The following BICRAL variants were observed in gnomAD, a reference collection of about 807,000 sequenced individuals.
BICRAL encodes the protein BICRA like chromatin remodeling complex associated protein.
BICRAL carries 8 observed loss-of-function variants against 91.8 expected under a neutral mutation model. That is an observed-to-expected ratio of 0.09 (90% CI 0.05 to 0.16). The LOEUF (loss-of-function observed/expected upper bound fraction) is 0.16. Ranked by LOEUF, BICRAL falls within the 10% of genes least tolerant of loss-of-function variation. BICRAL has a pLI of 1.00. For synonymous variants in BICRAL, 445 were observed against 491.1 expected, an observed-to-expected ratio of 0.91 and a Z score of 1.24; for missense variants, 1,038 against 1,310.9, an observed-to-expected ratio of 0.79 and a Z score of 3.21.
intron 2 of BICRAL, among the ~76,000 whole-genome samples, chr6:42,810,834 G>T (rs1457749204): frequency 2.0e-5 from 3 of 152,158 alleles, no homozygotes; most frequent in Admixed American, 2.0e-4. Flanking sequence ...TTAGAGACAG[G>T]AATTAAAGAA....
intron 6 of BICRAL, among the ~76,000 whole-genome samples, chr6:42,845,486 A>G (rs2113997744): frequency 1.3e-5 from 2 of 151,504 alleles, no homozygotes; most frequent in Admixed American, 6.6e-5. Context: ...TCCCCGTAAC[A>G]TGTTTGGGAG....
chr6:42,758,337 G>A (rs563669172), intron 1 of BICRAL, among the ~76,000 whole-genome samples: 1 of 152,286 alleles, frequency 6.6e-6, no homozygotes, highest in South Asian at 2.1e-4. Context: ...AGACTCCTTA[G>A]TGTGAATGCT....
chr6:42,780,246 G>A (rs543921607), upstream of BICRAL, among the ~76,000 whole-genome samples: 3 of 152,084 alleles, frequency 2.0e-5, no homozygotes, highest in Non-Finnish European at 2.9e-5. Context: ...ATTGTATGCC[G>A]GCCCCAACAG....
At chr6:42,825,540 G>A (rs1379463928) in intron 5 of BICRAL, among the ~76,000 whole-genome samples, 3 of 151,570 alleles carry the variant, frequency 2.0e-5, no homozygotes, top group African/African-American at 4.9e-5. Flanking sequence ...ACTTCAGCCC[G>A]GGCGACAGAG....
rs1386162455 is a variant in BICRAL, at chr6:42,829,863, C to T, written c.1530C>T (p.His510=). 14 of 1,614,096 alleles carry T rather than the reference C, an allele frequency of 8.7e-6. No homozygotes were observed. In the Admixed American group the frequency reaches 2.3e-4, roughly 27 times the overall value. The change falls in exon 6 of 13, where the codon CAC becomes CAT. Residue 510 remains histidine, a synonymous_variant. Transcript: ENST00000314073. ...PLQQASPTVL[H]LSPGQSSVSQ... Reference sequence around the variant, plus strand: ...AGCAGGCATCCCCAACTGTATTACACCTGTCACCTGGGCAGAGCAGCGTTT... The same window carrying T: ...AGCAGGCATCCCCAACTGTATTACATCTGTCACCTGGGCAGAGCAGCGTTT...
At chr6:42,861,982 G>T (rs1338840830) in intron 11 of BICRAL, among the ~76,000 whole-genome samples, 1 of 152,084 alleles carries the variant, frequency 6.6e-6, no homozygotes, top group African/African-American at 2.4e-5. Flanking sequence ...CTGGGCGACA[G>T]AGCGAGACTC....
chr6:42,828,483 AT>A lies in BICRAL; in HGVS notation c.160-3del, dbSNP rs1467924356. 1 of 1,598,940 alleles carries A rather than the reference AT, an allele frequency of 6.3e-7. No homozygotes were observed. The highest frequency in any genetic ancestry group is 8.5e-7 in the Non-Finnish European group (1 of 1,173,542). On this transcript the variant is annotated splice_polypyrimidine_tract_variant and intron_variant, in intron 5 of 12. Coordinates refer to ENST00000314073, the MANE Select transcript of BICRAL (RefSeq NM_001393499.1). ...ACATATGCCATGTAACATACTGTTT[AT>A]TTTTTTAGAATGCTGATCCTAAGTC...
At chr6:42,822,220 G>A (rs942196841) in intron 3 of BICRAL, among the ~76,000 whole-genome samples, 157 bp downstream of exon 3, 7 of 151,904 alleles carry the variant, frequency 4.6e-5, no homozygotes, top group Middle Eastern at 3.4e-3. Context: ...ATTAACATAG[G>A]GGTTGTAATT....
Position 42,794,321 on chromosome 6 carries a change from T to A in BICRAL, c.-102+12220T>A, listed in dbSNP as rs563104663. On this transcript the variant is annotated intron_variant, in intron 1 of 12. Coordinates refer to ENST00000314073, the MANE Select transcript of BICRAL (RefSeq NM_001393499.1). ...AAATGACATTTGGGTAACCATGTTG[T>A]TTAAAAAAAAGGCTCAAGTGCTTTA... Among the ~76,000 whole-genome samples the A allele has an allele frequency of 1.8e-4, 28 of 152,194 alleles. 1 individual carries two copies. The South Asian group carries it at 5.8e-3, about 32-fold the overall frequency.
At chr6:42,769,491 C>G (rs1416195984) in intron 1 of BICRAL, among the ~76,000 whole-genome samples, 1 of 152,146 alleles carries the variant, frequency 6.6e-6, no homozygotes, top group Non-Finnish European at 1.5e-5. Context: ...GTGAGGCTTG[C>G]TAGGGGCCAT....
At chr6:42,825,547 A>C (rs1764270367) in intron 5 of BICRAL, among the ~76,000 whole-genome samples, 1 of 151,668 alleles carries the variant, frequency 6.6e-6, no homozygotes, top group South Asian at 2.1e-4. Context: ...CCCGGGCGAC[A>C]GAGCAAGACT....
upstream of BICRAL, among the ~76,000 whole-genome samples, chr6:42,779,588 A>T (rs1762856877): frequency 6.6e-6 from 1 of 152,214 alleles, no homozygotes; most frequent in Non-Finnish European, 1.5e-5. Flanking sequence ...TAAATCACTG[A>T]ATGTATTTTT....
chr6:42,779,226 ACACACACACACACACAC>A (rs1762848546), upstream of BICRAL, among the ~76,000 whole-genome samples: 2 of 7,896 alleles, frequency 2.5e-4, no homozygotes, highest in Admixed American at 1.8e-3. Flanking sequence ...CAAGAAAAAC[ACACACACACACACACAC>A]ACACACACAC....
intron 6 of BICRAL, among the ~76,000 whole-genome samples, chr6:42,831,673 CT>C (rs1764484037): frequency 6.6e-6 from 1 of 152,126 alleles, no homozygotes; most frequent in Non-Finnish European, 1.5e-5. Flanking sequence ...TGCGTTTCCC[CT>C]GCCTTTCTCC....
At chr6:42,763,585 C>G (rs1323136546) in intron 1 of BICRAL, among the ~76,000 whole-genome samples, 1 of 152,100 alleles carries the variant, frequency 6.6e-6, no homozygotes, top group Non-Finnish European at 1.5e-5. Context: ...CTTTGGGAGG[C>G]TAAGGCAAGC....
At position 42,867,725 on chromosome 6, in the gene BICRAL, A is replaced by G. The variant is rs1396874134; in HGVS notation, c.*2279A>G. On this transcript the variant is annotated 3_prime_UTR_variant, in exon 13 of 13. Coordinates refer to ENST00000314073, the MANE Select transcript of BICRAL (RefSeq NM_001393499.1). Reference sequence around the variant, plus strand: ...TTCCCTATCCTGCCCTGCTGTCCCAATCCTAGCTTTTCTATATACCATCCT... The same window carrying G: ...TTCCCTATCCTGCCCTGCTGTCCCAGTCCTAGCTTTTCTATATACCATCCT... 1 of 152,224 alleles carries G rather than the reference A, an allele frequency of 6.6e-6. No individual in the cohort carries two copies. Among genetic ancestry groups the G allele is most frequent in the African/African-American group, 2.4e-5 (1 of 41,540 alleles). The allele number at this position is 152,224 out of a possible 1,614,324, so 9.4% of individuals were successfully genotyped here.
chr6:42,781,725 A>G (rs1762914725), upstream of BICRAL: 1 of 150,056 alleles, frequency 6.7e-6, no homozygotes, highest in Admixed American at 6.6e-5. Context: ...ACATTTCTGA[A>G]GTTGAAAAGA....
intron 6 of BICRAL, among the ~76,000 whole-genome samples, chr6:42,850,733 A>C (rs1290150399): frequency 6.6e-6 from 1 of 151,810 alleles, no homozygotes; most frequent in Non-Finnish European, 1.5e-5. Flanking sequence ...AAAATACAAA[A>C]GATAGCCAGG....
rs551087292 is a variant in BICRAL at position 42,829,041 on chromosome 6, C to T, written c.708C>T (p.Ile236=). The change falls in exon 6 of 13, where the codon ATC becomes ATT. Residue 236 remains isoleucine (I), a synonymous_variant. Transcript: ENST00000314073. ...TTAATAACCTAGATGGATCTCAAAT[C>T]ATATTAAAGGGCAGCGGGCAGCAAG... is the stretch of plus-strand genomic sequence containing the variant. ...MTINNLDGSQ[I]ILKGSGQQAP... 2 of 1,613,958 alleles carry T rather than the reference C, an allele frequency of 1.2e-6. No homozygotes were observed. Among genetic ancestry groups the T allele is most frequent in the Non-Finnish European group, 1.7e-6 (2 of 1,179,886 alleles).
Sources: gnomAD v4.1 joint callset for allele counts (sites outside exome capture counted in the v4.1 genomes callset) on GRCh38, gnomAD v4.1.1 for gene constraint, MANE v1.5 for transcripts, NCBI Gene and HGNC (gene_info 2026-07-23, HGNC 2026-07-21) for gene names.